Variants in IL2RB observed in about 807,000 individuals in gnomAD.
IL2RB encodes interleukin-2 receptor subunit beta.
In IL2RB, 17 loss-of-function variants were observed where a neutral mutation model predicts 44.2. The observed-to-expected ratio is 0.38, with a 90% CI of 0.26 to 0.58. The LOEUF is 0.58. Ranked by LOEUF, IL2RB falls within the 20% of genes least tolerant of loss-of-function variation. The pLI is 0.63. For synonymous variants in IL2RB, 286 were observed against 297.9 expected, an observed-to-expected ratio of 0.96 and a Z score of 0.41; for missense variants, 624 against 685.5, an observed-to-expected ratio of 0.91 and a Z score of 1.00.
intron 1 of IL2RB, among the ~76,000 whole-genome samples, chr22:37,165,281 G>C (rs1279163098): frequency 6.6e-6 from 1 of 152,336 alleles, no homozygotes; most frequent in East Asian, 1.9e-4. Context: ...GAGAATTTGA[G>C]CTATGGCTGG....
At chr22:37,159,181 T>C (rs1471751210) in intron 1 of IL2RB, among the ~76,000 whole-genome samples, 1 of 152,190 alleles carries the variant, frequency 6.6e-6, no homozygotes, top group Non-Finnish European at 1.5e-5. Flanking sequence ...ACGTGTGATG[T>C]TTGAAAAGTG....
chr22:37,137,653 G>A lies in IL2RB; in HGVS notation c.471C>T (p.Ala157=), dbSNP rs371794346. 10 of 1,614,040 alleles carry A rather than the reference G, an allele frequency of 6.2e-6. No individual in the cohort carries two copies. Among genetic ancestry groups the A allele is most frequent in the Non-Finnish European group, 8.5e-6 (10 of 1,179,974 alleles). The part of the protein sequence containing the change: ...RCNISWEISQ[A]SHYFERHLEF... ...CCAGGTGTCTTTCAAAGTAGTGGGA[G>A]GCTTGGGAGATTTCCCAGCTTATGT... is the stretch of plus-strand genomic sequence containing the variant. Residue 157 remains alanine (A), a synonymous_variant, in exon 6 of 10, where the codon GCC becomes GCT. Transcript: ENST00000216223.
intron 1 of IL2RB, among the ~76,000 whole-genome samples, chr22:37,146,246 G>A (rs1922218038): frequency 6.6e-6 from 1 of 152,082 alleles, no homozygotes; most frequent in Non-Finnish European, 1.5e-5. Flanking sequence ...CCATCTGCAG[G>A]CTCTCACCTG....
intron 1 of IL2RB, among the ~76,000 whole-genome samples, chr22:37,145,523 A>G (rs1036845829): frequency 2.0e-5 from 3 of 152,010 alleles, no homozygotes; most frequent in African/African-American, 7.3e-5. Context: ...CGCAGCGGAA[A>G]TGGGAAAGAA....
rs965482294 is a variant in IL2RB, at chr22:37,145,429, C to CT, written c.-33-1225dup. ...CACTGGCCAGTGCTTTATTTATTTA[C>CT]TTTTTTTTTTTGAGACAAAGACTTG... On this transcript the variant is annotated intron_variant, in intron 1 of 9. Transcript: ENST00000216223. Among the ~76,000 whole-genome samples the CT allele has an allele frequency of 5.0e-3, 739 of 146,918 alleles. 4 individuals carry two copies. The highest frequency in any genetic ancestry group is 0.014 in the African/African-American group (583 of 40,332).
chr22:37,162,529 G>A (rs1601612602), intron 1 of IL2RB, among the ~76,000 whole-genome samples: 1 of 152,156 alleles, frequency 6.6e-6, no homozygotes, highest in East Asian at 1.9e-4. Context: ...TCGGGTGACT[G>A]GTGAATAAAG....
At chr22:37,143,319 G>C (rs1392037089) in intron 3 of IL2RB, among the ~76,000 whole-genome samples, 1 of 152,158 alleles carries the variant, frequency 6.6e-6, no homozygotes, top group Non-Finnish European at 1.5e-5. Context: ...CCAGGTTCTA[G>C]AAGTCTAAAT....
rs567186117 is a variant in IL2RB at position 37,173,976 on chromosome 22, C to T, written c.-34+982G>A. Among the ~76,000 whole-genome samples the T allele has an allele frequency of 6.6e-5, 10 of 152,302 alleles. No homozygotes were observed. In the East Asian group the frequency reaches 1.2e-3, roughly 18 times the overall value. On this transcript the variant is annotated intron_variant, in intron 1 of 5. Coordinates refer to the IL2RB transcript ENST00000429622. Reference sequence around the variant, plus strand: ...TGACAATATGGCCAGAGAGTTTTTACGAAATGTGAACCAACTGGACTCTCA... The same window carrying T: ...TGACAATATGGCCAGAGAGTTTTTATGAAATGTGAACCAACTGGACTCTCA...
intron 1 of IL2RB, among the ~76,000 whole-genome samples, chr22:37,145,791 G>C (rs3218266): frequency 0.29 from 44,662 of 151,790 alleles, 7,300 homozygotes; most frequent in East Asian, 0.48. Context: ...CCTCCCTCCT[G>C]CTCTTCCATC....
chr22:37,170,661 G>A (rs73408843), intron 1 of IL2RB, among the ~76,000 whole-genome samples: 7,417 of 152,208 alleles, frequency 0.049, 600 homozygotes, highest in African/African-American at 0.17. Flanking sequence ...TCTCCACCAC[G>A]CAGTCACTGC....
At chr22:37,134,941 G>A (rs1047542032) in intron 8 of IL2RB, among the ~76,000 whole-genome samples, 5 of 152,294 alleles carry the variant, frequency 3.3e-5, no homozygotes, top group South Asian at 2.1e-4. Context: ...ATGGACCGGC[G>A]GGGACCCAGA....
chr22:37,149,993 G>T (rs1019307954), upstream of IL2RB: 1 of 843,332 alleles, frequency 1.2e-6, no homozygotes, highest in Non-Finnish European at 1.4e-6. Context: ...CAAGGCCTGG[G>T]GTGGAGAGGC....
rs1356517357 is a variant in IL2RB, at chr22:37,149,840, G to A, written c.-49C>T. 1.2e-5 allele frequency: 12 copies of A among 985,516 alleles called. No homozygotes were observed. Among genetic ancestry groups the A allele is most frequent in the African/African-American group, 1.7e-5 (1 of 57,200 alleles). 61.0% of individuals were successfully genotyped at this position (985,516 alleles called of 1,614,324 possible). A position where few individuals can be genotyped will look rare whatever the true frequency, so the allele number is the denominator to read the frequency against. The stretch of plus-strand genomic sequence containing the variant: ...GGGACATCACCTGGCTGAGACATGG[G>A]GCGGTGGCAGCGCGCGCTCTCCAGT... On this transcript the variant is annotated 5_prime_UTR_variant, in exon 1 of 10. Transcript: ENST00000216223.
rs1432774144 is a variant in IL2RB, at chr22:37,125,966, G to GA, written c.*2129dup. The GA allele has an allele frequency of 6.6e-6, 1 of 151,960 alleles. No homozygotes were observed. The highest frequency in any genetic ancestry group is 6.6e-5 in the Admixed American group (1 of 15,222). The allele number at this position is 151,960 out of a possible 1,614,324, so 9.4% of individuals were successfully genotyped here. On this transcript the variant is annotated 3_prime_UTR_variant, in exon 10 of 10. Transcript: ENST00000216223. ...TTCAACGAAAATGAACTGACTTAAA[G>GA]AAAAAATATTAAGGAAATAATCACA... is the stretch of plus-strand genomic sequence containing the variant.
intron 1 of IL2RB, chr22:37,166,734 G>A (rs1405485870): frequency 1.3e-5 from 2 of 152,172 alleles, no homozygotes; most frequent in South Asian, 2.1e-4. Flanking sequence ...CAGCCTCCTC[G>A]AGACTTGTGC....
intron 1 of IL2RB, among the ~76,000 whole-genome samples, chr22:37,162,817 T>G (rs745880794): frequency 6.6e-5 from 10 of 152,102 alleles, no homozygotes; most frequent in Non-Finnish European, 1.0e-4. Flanking sequence ...ACCTGTCTGA[T>G]TGACCGCATC....
chr22:37,148,133 C>T (rs1273024878), intron 1 of IL2RB, among the ~76,000 whole-genome samples: 1 of 152,182 alleles, frequency 6.6e-6, no homozygotes, highest in Non-Finnish European at 1.5e-5. Context: ...TAGAGGCAGC[C>T]GGGCAGGAGG....
intron 1 of IL2RB, among the ~76,000 whole-genome samples, chr22:37,171,739 G>C (rs1400360934): frequency 6.6e-6 from 1 of 152,240 alleles, no homozygotes; most frequent in Non-Finnish European, 1.5e-5. Context: ...CGTGAGAAGA[G>C]ACTGCTTGAC....
upstream of IL2RB, among the ~76,000 whole-genome samples, chr22:37,151,982 T>C (rs1354066252): frequency 2.0e-5 from 3 of 152,224 alleles, no homozygotes; most frequent in African/African-American, 7.2e-5. Flanking sequence ...CTCTGTGGTA[T>C]AATTTGAAGT....
Sources: allele counts gnomAD v4.1 joint callset (sites outside exome capture counted in the v4.1 genomes callset), GRCh38; gene constraint gnomAD v4.1.1; transcripts MANE v1.5; gene names NCBI Gene and HGNC (gene_info 2026-07-23, HGNC 2026-07-21).